Variants in CEP85L observed in about 807,000 individuals in gnomAD.
CEP85L encodes centrosomal protein of 85 kDa-like.
A neutral mutation model predicts 100.3 loss-of-function variants in CEP85L; 60 were observed. The observed-to-expected ratio is 0.60, with a 90% CI of 0.49 to 0.74. The LOEUF (loss-of-function observed/expected upper bound fraction) is 0.74, where lower values mean the gene tolerates loss of function less well. Ranked by LOEUF, CEP85L falls within the 30% of genes least tolerant of loss-of-function variation. The probability of loss-of-function intolerance (pLI) is 0.00; values close to 1 mark genes in which losing one functional copy is unlikely to be tolerated. For synonymous variants in CEP85L, 319 were observed against 322.7 expected (o/e 0.99, Z 0.12); for missense variants, 973 against 936.2 (o/e 1.04, Z -0.51).
chr6:118,623,917 T>G (rs1258698543), intron 2 of CEP85L, among the ~76,000 whole-genome samples: 1 of 152,196 alleles, frequency 6.6e-6, no homozygotes, highest in African/African-American at 2.4e-5. Context: ...TATGGATCCC[T>G]TGTGGGAGGG....
intron 6 of CEP85L, among the ~76,000 whole-genome samples, chr6:118,487,203 G>T (rs917081374): frequency 6.6e-6 from 1 of 152,168 alleles, no homozygotes; most frequent in Non-Finnish European, 1.5e-5. Context: ...AGGCCACTCT[G>T]TGTAAAGATC....
rs1412424737 is a variant in CEP85L at position 118,464,662 on chromosome 6, A to T, written c.*743T>A. 1 of 152,046 alleles carries T rather than the reference A, an allele frequency of 6.6e-6. No individual in the cohort carries two copies. The highest frequency in any genetic ancestry group is 1.9e-4 in the East Asian group (1 of 5,194). The allele number at this position is 152,046 out of a possible 1,614,324, so 9.4% of individuals were successfully genotyped here. ...GAACATGTTAAAATTAGTTCAAGTT[A>T]TGTTAACCTTTCTTGTAACACATAC... On this transcript the variant is annotated 3_prime_UTR_variant, in exon 13 of 13. Coordinates refer to ENST00000368491, the MANE Select transcript of CEP85L (RefSeq NM_001042475.3).
At chr6:118,548,004 T>G (rs573929565) in intron 3 of CEP85L, among the ~76,000 whole-genome samples, 6 of 152,202 alleles carry the variant, frequency 3.9e-5, no homozygotes, top group African/African-American at 1.4e-4. Context: ...TCTTCACCAT[T>G]AATATTCAAT....
chr6:118,477,321 T>C (rs1484231544), intron 10 of CEP85L, among the ~76,000 whole-genome samples: 4 of 152,168 alleles, frequency 2.6e-5, no homozygotes, highest in African/African-American at 9.6e-5. Flanking sequence ...TATTACTTTT[T>C]CTATATTCAA....
At chr6:118,558,689 G>GAGAGAGAGAGAGT in intron 3 of CEP85L, 1 of 307,890 alleles carries the variant, frequency 3.2e-6, no homozygotes, top group African/African-American at 2.9e-5. Context: ...AGAGAGAGAG[G>GAGAGAGAGAGAGT]GAGAGAGACT....
At chr6:118,706,574 A>G (rs147717501) in intron 1 of CEP85L, among the ~76,000 whole-genome samples, 7 of 152,098 alleles carry the variant, frequency 4.6e-5, no homozygotes, top group African/African-American at 1.4e-4. Context: ...ATACATTTGA[A>G]CCTCCTGGAA....
At chr6:118,690,999 G>GAA (rs1279811650) in intron 1 of CEP85L, among the ~76,000 whole-genome samples, 2 of 130,708 alleles carry the variant, frequency 1.5e-5, no homozygotes, top group Non-Finnish European at 3.3e-5. Flanking sequence ...CCTGTCTCAG[G>GAA]AAAAAAAAAA....
chr6:118,576,608 CCT>C (rs1372993527), intron 2 of CEP85L, among the ~76,000 whole-genome samples: 1 of 152,242 alleles, frequency 6.6e-6, no homozygotes, highest in East Asian at 1.9e-4. Context: ...TACTTCTGCC[CCT>C]CTGTGGAAAG....
intron 2 of CEP85L, among the ~76,000 whole-genome samples, chr6:118,622,235 T>C (rs1773493405): frequency 6.6e-6 from 1 of 152,220 alleles, no homozygotes; most frequent in South Asian, 2.1e-4. Context: ...AAGTGGCATA[T>C]TAAATGCTAA....
intron 2 of CEP85L, chr6:118,589,688 G>T: frequency 3.6e-6 from 1 of 278,962 alleles, no homozygotes; most frequent in South Asian, 4.6e-5. Flanking sequence ...AGAAACTGGT[G>T]ACCTTCTATG....
chr6:118,504,003 A>G (rs762696331), intron 5 of CEP85L, among the ~76,000 whole-genome samples: 4 of 152,178 alleles, frequency 2.6e-5, no homozygotes, highest in Non-Finnish European at 5.9e-5. Flanking sequence ...AAAACAAGCC[A>G]CAGACCAGGA....
chr6:118,502,232 C>A (rs1775350518), intron 5 of CEP85L: 6 of 629,200 alleles, frequency 9.5e-6, no homozygotes, highest in African/African-American at 3.7e-5. Context: ...TCTTATGTAC[C>A]GCATTATGAC....
intron 2 of CEP85L, among the ~76,000 whole-genome samples, chr6:118,570,739 A>G (rs1382117065): frequency 6.6e-6 from 1 of 152,174 alleles, no homozygotes; most frequent in African/African-American, 2.4e-5. Flanking sequence ...TTCATTTACT[A>G]TAACATCATT....
chr6:118,650,019 A>C (rs1435007393), intron 1 of CEP85L, among the ~76,000 whole-genome samples: 1 of 152,204 alleles, frequency 6.6e-6, no homozygotes, highest in Admixed American at 6.5e-5. Flanking sequence ...ATTTTTTTTA[A>C]ATAGCAGAAA....
chr6:118,504,376 A>G (rs896234295), intron 5 of CEP85L, among the ~76,000 whole-genome samples: 5 of 151,278 alleles, frequency 3.3e-5, no homozygotes, highest in Middle Eastern at 6.8e-3. Context: ...CTCTGTCTCA[A>G]AAAAAGAAAA....
chr6:118,574,254 C>G (rs936134045), intron 2 of CEP85L, among the ~76,000 whole-genome samples: 1 of 152,214 alleles, frequency 6.6e-6, no homozygotes, highest in Non-Finnish European at 1.5e-5. Context: ...TAGCAAATTG[C>G]ATGTTCACCA....
chr6:118,556,693 T>C (rs1248749264), intron 3 of CEP85L, among the ~76,000 whole-genome samples: 1 of 152,182 alleles, frequency 6.6e-6, no homozygotes, highest in East Asian at 1.9e-4. Context: ...AAGGTAGTAA[T>C]ATGTTGATTA....
chr6:118,559,561 T>C (rs1779105843), intron 3 of CEP85L: 1 of 187,398 alleles, frequency 5.3e-6, no homozygotes, highest in Admixed American at 5.5e-5. Context: ...TTATTCAAAA[T>C]AGTCCACTGA....
intron 2 of CEP85L, among the ~76,000 whole-genome samples, chr6:118,624,794 G>A (rs1562319110): frequency 6.6e-6 from 1 of 152,186 alleles, no homozygotes; most frequent in Non-Finnish European, 1.5e-5. Flanking sequence ...GAGGTGTCCA[G>A]GATAAAGCCA....
Sources: gnomAD v4.1 joint callset for allele counts (sites outside exome capture counted in the v4.1 genomes callset) on GRCh38, gnomAD v4.1.1 for gene constraint, MANE v1.5 for transcripts, NCBI Gene and HGNC (gene_info 2026-07-23, HGNC 2026-07-21) for gene names.